OR56A3: variants seen among roughly 807,000 people sequenced by gnomAD.
OR56A3 encodes the protein olfactory receptor 56A3.
Under a neutral mutation model 17.5 loss-of-function variants are expected in OR56A3, and 23 were observed. The ratio of observed to expected loss-of-function variants is 1.32; its 90% CI spans 0.95 to 1.87. The LOEUF (loss-of-function observed/expected upper bound fraction) is 1.87, where lower values mean the gene tolerates loss of function less well. OR56A3 is among the 40% of genes most tolerant of loss of function. The pLI is 0.00. For synonymous variants in OR56A3, 175 were observed against 150.6 expected, an observed-to-expected ratio of 1.16 and a Z score of -1.19; for missense variants, 366 against 380.1, an observed-to-expected ratio of 0.96 and a Z score of 0.31.
the OR56A3 span, among the ~76,000 whole-genome samples, chr11:6,016,417 C>T: frequency 6.6e-6 from 1 of 152,058 alleles, no homozygotes; most frequent in Non-Finnish European, 1.5e-5. Context: ...CTGAAGAACT[C>T]CTAGGGAGAC....
chr11:5,960,918 CTGT>C, the OR56A3 span, among the ~76,000 whole-genome samples: 10 of 151,468 alleles, frequency 6.6e-5, no homozygotes, highest in Non-Finnish European at 1.2e-4. Context: ...GGCCGTGACC[CTGT>C]CTGGGAACTG....
At chr11:6,013,390 T>C in the OR56A3 span, among the ~76,000 whole-genome samples, 21,042 of 152,168 alleles carry the variant, frequency 0.14, 1,771 homozygotes, top group Non-Finnish European at 0.19. Flanking sequence ...AGGCAATTGT[T>C]GGGGGGATCC....
the OR56A3 span, among the ~76,000 whole-genome samples, chr11:5,964,664 G>A: frequency 0.29 from 43,636 of 152,096 alleles, 6,513 homozygotes; most frequent in East Asian, 0.46. Flanking sequence ...ACTATAGTCA[G>A]CCAGTGGTGA....
At chr11:6,002,197 G>T in the OR56A3 span, 1 of 1,614,204 alleles carries the variant, frequency 6.2e-7, no homozygotes, top group South Asian at 1.1e-5. Flanking sequence ...TTCCTGGCCA[G>T]GTTAGTGATG....
downstream of OR56A3, among the ~76,000 whole-genome samples, chr11:5,952,765 C>T (rs1457653816): frequency 2.6e-5 from 4 of 152,198 alleles, 1 homozygote; most frequent in South Asian, 4.1e-4. Flanking sequence ...ATCCTGAGCA[C>T]AGTGCCCAAC....
the OR56A3 span, chr11:6,002,095 T>C: frequency 6.2e-7 from 1 of 1,610,064 alleles, no homozygotes; most frequent in East Asian, 2.2e-5. Context: ...TTGATCTCCT[T>C]GGTTCTCACA....
At chr11:6,009,635 T>C in the OR56A3 span, among the ~76,000 whole-genome samples, 2,957 of 152,318 alleles carry the variant, frequency 0.019, 90 homozygotes, top group African/African-American at 0.067. Context: ...GCATTGTCTG[T>C]CAAATTGCCG....
At chr11:5,974,151 G>A in the OR56A3 span, among the ~76,000 whole-genome samples, 28 of 149,540 alleles carry the variant, frequency 1.9e-4, no homozygotes, top group African/African-American at 6.9e-4. Flanking sequence ...GTGTCACCCA[G>A]GCTGGTGTGC....
At chr11:5,986,593 A>G in the OR56A3 span, 2 of 1,613,854 alleles carry the variant, frequency 1.2e-6, no homozygotes, top group Non-Finnish European at 1.7e-6. Context: ...CAGGCAGACG[A>G]TGTACCCAAT....
chr11:5,979,476 A>AT, the OR56A3 span, among the ~76,000 whole-genome samples: 4 of 151,564 alleles, frequency 2.6e-5, no homozygotes, highest in African/African-American at 7.3e-5. Flanking sequence ...GAATTTATCC[A>AT]TTTTTTCTAG....
chr11:6,014,901 T>A, the OR56A3 span, among the ~76,000 whole-genome samples: 10 of 147,218 alleles, frequency 6.8e-5, no homozygotes, highest in Admixed American at 1.4e-4. Flanking sequence ...GGAACTTTGA[T>A]CTTGAGAGAG....
At chr11:6,000,733 A>G in the OR56A3 span, 3 of 152,236 alleles carry the variant, frequency 2.0e-5, no homozygotes, top group Admixed American at 1.3e-4. Flanking sequence ...CAAAATGGGA[A>G]TAAGTAATTT....
chr11:5,989,518 C>A, the OR56A3 span, among the ~76,000 whole-genome samples: 1 of 152,160 alleles, frequency 6.6e-6, no homozygotes, highest in African/African-American at 2.4e-5. Flanking sequence ...TGAGTATAAC[C>A]GGCTTCTACT....
chr11:5,986,574 C>T, the OR56A3 span: 1 of 1,613,990 alleles, frequency 6.2e-7, no homozygotes, highest in Non-Finnish European at 8.5e-7. Flanking sequence ...GGATGAAGAA[C>T]ATCTGGATCA....
At chr11:5,962,173 A>G in the OR56A3 span, among the ~76,000 whole-genome samples, 4 of 152,176 alleles carry the variant, frequency 2.6e-5, no homozygotes, top group African/African-American at 9.7e-5. Context: ...CATTTTGTTA[A>G]TGTGATGTAT....
chr11:6,005,876 G>T, the OR56A3 span, among the ~76,000 whole-genome samples: 3 of 152,152 alleles, frequency 2.0e-5, no homozygotes, highest in African/African-American at 7.2e-5. Flanking sequence ...GGAGGTGGGA[G>T]GGAGGTTAGG....
chr11:5,952,671 T>A (rs1018701412), downstream of OR56A3, among the ~76,000 whole-genome samples: 2 of 152,090 alleles, frequency 1.3e-5, no homozygotes, highest in African/African-American at 2.4e-5. Flanking sequence ...AAATAGGTAA[T>A]TTTAGAAAAT....
rs1847899025 is a variant in OR56A3, at chr11:5,950,094, G to T, written c.*1800G>T. On this transcript the variant is annotated 3_prime_UTR_variant, in exon 3 of 3. Coordinates refer to ENST00000641160, the MANE Select transcript of OR56A3 (RefSeq NM_001003443.3). ...TTATAAAGATATAACATGCTTGTAAGGTAAATTTAAGCCACCACCTCTTAG... is the reference window on the plus strand; with the variant it reads ...TTATAAAGATATAACATGCTTGTAATGTAAATTTAAGCCACCACCTCTTAG... 6.6e-6 allele frequency: 1 copy of T among 152,020 alleles called. No homozygotes were observed. Among genetic ancestry groups the T allele is most frequent in the Admixed American group, 6.6e-5 (1 of 15,266 alleles). 9.4% of individuals were successfully genotyped at this position (152,020 alleles called of 1,614,324 possible).
the OR56A3 span, among the ~76,000 whole-genome samples, chr11:5,981,164 A>G: frequency 1.3e-5 from 2 of 152,252 alleles, no homozygotes; most frequent in East Asian, 1.9e-4. Flanking sequence ...CTTGTAGAGT[A>G]TCTCACTGGG....
Sources: allele counts gnomAD v4.1 joint callset (sites outside exome capture counted in the v4.1 genomes callset), GRCh38; gene constraint gnomAD v4.1.1; transcripts MANE v1.5; gene names NCBI Gene and HGNC (gene_info 2026-07-23, HGNC 2026-07-21).